GMDS: variants seen among roughly 807,000 people sequenced by gnomAD.
GMDS encodes the protein GDP-mannose 4,6 dehydratase.
GMDS carries 20 observed loss-of-function variants against 49.9 expected under a neutral mutation model. That is an observed-to-expected ratio of 0.40 (90% CI 0.28 to 0.58). The LOEUF (loss-of-function observed/expected upper bound fraction) is 0.58, where lower values mean the gene tolerates loss of function less well. Ranked by LOEUF, GMDS falls within the 20% of genes least tolerant of loss-of-function variation. The pLI is 0.42. For missense variants in GMDS, 362 were observed against 481.4 expected (o/e 0.75, Z 2.32); for synonymous variants, 177 against 178.6 (o/e 0.99, Z 0.07).
chr6:1,815,869 C>T (rs910749232), intron 7 of GMDS, among the ~76,000 whole-genome samples: 1 of 152,206 alleles, frequency 6.6e-6, no homozygotes, highest in African/African-American at 2.4e-5. Context: ...CTTGTTTTCA[C>T]TCTTCCAGAT....
chr6:1,949,395 C>T (rs906576863), intron 6 of GMDS, among the ~76,000 whole-genome samples: 1 of 152,156 alleles, frequency 6.6e-6, no homozygotes, highest in African/African-American at 2.4e-5. Flanking sequence ...GGGAACTGTG[C>T]TACATGTCAT....
chr6:2,064,584 T>C (rs927936304), intron 4 of GMDS, among the ~76,000 whole-genome samples: 2 of 152,180 alleles, frequency 1.3e-5, no homozygotes, highest in African/African-American at 4.8e-5. Context: ...CCCGATTCCC[T>C]ACAATTTCTT....
At chr6:2,039,491 C>T (rs756416422) in intron 4 of GMDS, among the ~76,000 whole-genome samples, 6 of 152,110 alleles carry the variant, frequency 3.9e-5, no homozygotes, top group Non-Finnish European at 8.8e-5. Flanking sequence ...TGTAATATTA[C>T]ATAGCTGAAA....
At chr6:2,098,349 C>T (rs147101652) in intron 4 of GMDS, among the ~76,000 whole-genome samples, 3,218 of 152,226 alleles carry the variant, frequency 0.021, 40 homozygotes, top group Non-Finnish European at 0.033. Context: ...TAAGCCACCG[C>T]GCCCAGCCAC....
chr6:2,041,055 C>T (rs1769645715), intron 4 of GMDS, among the ~76,000 whole-genome samples: 1 of 152,202 alleles, frequency 6.6e-6, no homozygotes, highest in African/African-American at 2.4e-5. Context: ...AAGGACATTA[C>T]TTTTTCTCCC....
At chr6:1,760,575 G>A (rs1445912671) in intron 7 of GMDS, among the ~76,000 whole-genome samples, 7 of 152,222 alleles carry the variant, frequency 4.6e-5, no homozygotes, top group Middle Eastern at 3.4e-3. Flanking sequence ...GCCGAGGACC[G>A]CCCACCCTTG....
chr6:2,023,595 CTG>C (rs535799598), intron 4 of GMDS, among the ~76,000 whole-genome samples: 88 of 152,314 alleles, frequency 5.8e-4, no homozygotes, highest in Middle Eastern at 3.4e-3. Context: ...TCTAAAATAA[CTG>C]TATTTGAAAT....
At chr6:2,168,623 T>C (rs77138841) in intron 1 of GMDS, among the ~76,000 whole-genome samples, 3,303 of 152,360 alleles carry the variant, frequency 0.022, 47 homozygotes, top group Non-Finnish European at 0.031. Context: ...ATGCTTTTTC[T>C]TTTCTTTGCT....
intron 7 of GMDS, among the ~76,000 whole-genome samples, chr6:1,870,447 CCCCAG>C (rs1245166096): frequency 2.0e-5 from 3 of 152,196 alleles, no homozygotes; most frequent in Admixed American, 2.0e-4. Flanking sequence ...TCCTCCCCCA[CCCCAG>C]CCCCACAAAC....
At chr6:2,221,072 A>C (rs1780564359) in intron 1 of GMDS, among the ~76,000 whole-genome samples, 1 of 152,096 alleles carries the variant, frequency 6.6e-6, no homozygotes, top group Non-Finnish European at 1.5e-5. Flanking sequence ...TACCACAAGT[A>C]ATGTACTCCT....
At chr6:2,221,513 A>G (rs2127589940) in intron 1 of GMDS, among the ~76,000 whole-genome samples, 1 of 152,118 alleles carries the variant, frequency 6.6e-6, no homozygotes, top group African/African-American at 2.4e-5. Context: ...CTCAGCCTCC[A>G]GAGTAGCTGG....
chr6:2,239,183 G>C (rs1192567898), intron 1 of GMDS, among the ~76,000 whole-genome samples: 2 of 152,172 alleles, frequency 1.3e-5, no homozygotes, highest in Non-Finnish European at 2.9e-5. Context: ...ACAAAAATTA[G>C]TTGGGCGTGG....
rs374132320 is a variant in GMDS at position 1,816,457 on chromosome 6, C to CATTT, written c.772-73872_772-73871insAAAT. ...TTCACTGATGACTGTATCATGGGGA[C>CATTT]CCAACAAAATACCACCATTAATTCG... On this transcript the variant is annotated intron_variant, in intron 7 of 10. Transcript: ENST00000380815. Among the ~76,000 whole-genome samples, 616 of 152,152 alleles carry CATTT rather than the reference C, an allele frequency of 4.0e-3. 4 individuals carry two copies. Among genetic ancestry groups the CATTT allele is most frequent in the Non-Finnish European group, 6.8e-3 (462 of 68,016 alleles).
chr6:2,133,775 G>A (rs1018613470), intron 1 of GMDS, among the ~76,000 whole-genome samples: 2 of 152,164 alleles, frequency 1.3e-5, no homozygotes, highest in Non-Finnish European at 2.9e-5. Flanking sequence ...CATTTACCCA[G>A]AAAGGTGCAG....
chr6:1,668,221 T>C (rs187845163), intron 9 of GMDS, among the ~76,000 whole-genome samples: 1 of 152,356 alleles, frequency 6.6e-6, no homozygotes, highest in African/African-American at 2.4e-5. Context: ...AGTTACTTTG[T>C]GGCTGAGTTT....
chr6:1,981,956 TC>T (rs1356414129), intron 4 of GMDS, among the ~76,000 whole-genome samples: 2 of 152,156 alleles, frequency 1.3e-5, no homozygotes, highest in African/African-American at 4.8e-5. Flanking sequence ...GAAAAGGCCT[TC>T]CATAAAATTC....
rs949154606 is a variant in GMDS at position 1,803,164 on chromosome 6, A to G, written c.772-60578T>C. On this transcript the variant is annotated intron_variant, in intron 7 of 10. Coordinates refer to ENST00000380815, the MANE Select transcript of GMDS (RefSeq NM_001500.4). ...TTATGGCAAATTTCATCGGCACTGT[A>G]TGTTTGAGAAATGTTTCCCTCCTGC... Among the ~76,000 whole-genome samples the G allele has an allele frequency of 4.6e-5, 7 of 152,276 alleles. No homozygotes were observed. The South Asian group carries it at 1.0e-3, about 23-fold the overall frequency.
At chr6:2,022,111 C>T (rs1206333182) in intron 4 of GMDS, among the ~76,000 whole-genome samples, 3 of 152,118 alleles carry the variant, frequency 2.0e-5, no homozygotes, top group African/African-American at 4.8e-5. Context: ...TATGGAAAGA[C>T]GACACAGGCA....
chr6:1,951,138 C>A (rs1763321330), intron 6 of GMDS, among the ~76,000 whole-genome samples: 2 of 151,644 alleles, frequency 1.3e-5, no homozygotes, highest in Admixed American at 6.6e-5. Flanking sequence ...CAAATAAAGA[C>A]AATCTTTAAA....
Sources: gnomAD v4.1 joint callset for allele counts (sites outside exome capture counted in the v4.1 genomes callset) on GRCh38, gnomAD v4.1.1 for gene constraint, MANE v1.5 for transcripts, NCBI Gene and HGNC (gene_info 2026-07-23, HGNC 2026-07-21) for gene names.